The following PRDM16 variants were observed in gnomAD, a reference collection of about 807,000 sequenced individuals.
PRDM16 encodes the protein histone-lysine N-methyltransferase PRDM16.
In PRDM16, 23 loss-of-function variants were observed where a neutral mutation model predicts 110.6. The observed-to-expected ratio is 0.21, with a 90% CI of 0.15 to 0.29. PRDM16 has a LOEUF of 0.29. Among genes scored for constraint, PRDM16 ranks in the 10% least tolerant of loss-of-function variants. The pLI, the probability that PRDM16 is intolerant of heterozygous loss-of-function variation, is 1.00. For missense variants in PRDM16, 1,615 were observed against 1,794.3 expected (o/e 0.90, Z 1.81); for synonymous variants, 799 against 781.8 (o/e 1.02, Z -0.37).
intron 3 of PRDM16, among the ~76,000 whole-genome samples, chr1:3,333,771 T>C: frequency 6.6e-6 from 1 of 152,150 alleles, no homozygotes; most frequent in Non-Finnish European, 1.5e-5. Context: ...CTCCATCCCC[T>C]TGGTGATGAG....
In PRDM16 at chr1:3,136,831, T is replaced by C. The variant is rs145213414; in HGVS notation, c.38-49294T>C. 1.4e-3 allele frequency among the ~76,000 whole-genome samples: 217 copies of C among 152,326 alleles called. 5 individuals are homozygous for C. The East Asian group carries it at 0.022, about 16-fold the overall frequency. On this transcript the variant is annotated intron_variant, in intron 1 of 16. Transcript: ENST00000270722. ...TTCATCCTGTCCCATGCTGGGTGAC[T>C]GGGTCAGTTGGGGGTCCGGGATGCT...
chr1:3,389,531 TC>T (rs1643257981), intron 4 of PRDM16, among the ~76,000 whole-genome samples: 2 of 152,144 alleles, frequency 1.3e-5, no homozygotes, highest in Non-Finnish European at 2.9e-5. Context: ...ACCGGGCCCA[TC>T]CCAGCCCTCC....
intron 3 of PRDM16, among the ~76,000 whole-genome samples, chr1:3,281,213 C>T (rs1640705109): frequency 6.6e-6 from 1 of 152,236 alleles, no homozygotes; most frequent in Non-Finnish European, 1.5e-5. Context: ...TGCTGGCTCA[C>T]ACCCAGCCCC....
intron 3 of PRDM16, among the ~76,000 whole-genome samples, chr1:3,304,162 G>A (rs1396101991): frequency 3.0e-4 from 42 of 138,528 alleles, no homozygotes; most frequent in African/African-American, 8.3e-4. Flanking sequence ...GCAGGAGGCC[G>A]TGGGCTCTTT....
At chr1:3,185,868 G>A (rs1644261234) in intron 1 of PRDM16, among the ~76,000 whole-genome samples, 1 of 152,232 alleles carries the variant, frequency 6.6e-6, no homozygotes, top group South Asian at 2.1e-4. Flanking sequence ...GTGTCGGGCT[G>A]TGCCATCCCA....
chr1:3,248,223 C>T (rs1393123223), intron 3 of PRDM16, among the ~76,000 whole-genome samples: 1 of 152,142 alleles, frequency 6.6e-6, no homozygotes, highest in Non-Finnish European at 1.5e-5. Context: ...TGTAGTCCAC[C>T]CGGGAGATGC....
Position 3,412,331 on chromosome 1 carries a change from C to G in PRDM16, c.2134C>G (p.Gln712Glu), listed in dbSNP as rs2100664124. ...CTTTGGCCCCGGCTTCATGGGGATG[C>G]AGGAGAAGAAGCTGGGCTCGCTCCC... ...KYFGPGFMGM[Q>E]EKKLGSLPYH... is the part of the protein sequence containing the mutation. The change falls in exon 9 of 17, where the codon CAG becomes GAG. Residue 712 changes from glutamine to glutamate, a missense_variant. Transcript: ENST00000270722. 2 of 1,613,732 alleles carry G rather than the reference C, an allele frequency of 1.2e-6. No individual in the cohort carries two copies. The highest frequency in any genetic ancestry group is 2.2e-5 in the South Asian group (2 of 91,088).
chr1:3,169,732 G>T (rs1264192548), intron 1 of PRDM16, among the ~76,000 whole-genome samples: 2 of 152,204 alleles, frequency 1.3e-5, no homozygotes, highest in East Asian at 1.9e-4. Context: ...GCTCCTGTAC[G>T]CCATCAGGAT....
chr1:3,193,430 A>G (rs961891290), intron 2 of PRDM16, among the ~76,000 whole-genome samples: 2 of 152,218 alleles, frequency 1.3e-5, no homozygotes, highest in Admixed American at 1.3e-4. Flanking sequence ...GTTTGAACCC[A>G]GAAGTGTTTG....
chr1:3,191,919 A>G (rs1353136055), intron 2 of PRDM16, among the ~76,000 whole-genome samples: 1 of 152,196 alleles, frequency 6.6e-6, no homozygotes, highest in African/African-American at 2.4e-5. Flanking sequence ...CCCACATACC[A>G]GGAAGCACTG....
intron 2 of PRDM16, 115 bp downstream of exon 2, chr1:3,186,589 C>G (rs573142343): frequency 1.5e-6 from 1 of 646,054 alleles, no homozygotes; most frequent in South Asian, 2.2e-5. Flanking sequence ...CCAGAGAGAG[C>G]GTTCAAATGT....
intron 3 of PRDM16, among the ~76,000 whole-genome samples, chr1:3,354,936 G>A (rs1041391541): frequency 6.6e-6 from 1 of 152,204 alleles, no homozygotes; most frequent in Non-Finnish European, 1.5e-5. Flanking sequence ...TGCACCTGCT[G>A]AAGGGAGTGG....
At chr1:3,256,517 C>T (rs1200233041) in intron 3 of PRDM16, among the ~76,000 whole-genome samples, 10 of 152,312 alleles carry the variant, frequency 6.6e-5, no homozygotes, top group South Asian at 6.2e-4. Flanking sequence ...TCAAGGGGAA[C>T]AATGTACTGT....
chr1:3,286,473 T>C (rs1483225651), intron 3 of PRDM16, among the ~76,000 whole-genome samples: 1 of 152,068 alleles, frequency 6.6e-6, no homozygotes, highest in East Asian at 1.9e-4. Context: ...GACGGCAACA[T>C]GGCCACAATT....
chr1:3,343,669 T>C (rs1367740392), intron 3 of PRDM16, among the ~76,000 whole-genome samples: 2 of 152,138 alleles, frequency 1.3e-5, no homozygotes, highest in African/African-American at 4.8e-5. Flanking sequence ...AGTCTCGCTC[T>C]GTCACCCAGC....
chr1:3,196,184 G>T (rs1414384836), intron 2 of PRDM16, among the ~76,000 whole-genome samples: 1 of 152,240 alleles, frequency 6.6e-6, no homozygotes, highest in Non-Finnish European at 1.5e-5. Context: ...GCTGGGCCCA[G>T]ACCCGGTTCC....
intron 2 of PRDM16, among the ~76,000 whole-genome samples, chr1:3,217,840 C>T (rs528655138): frequency 7.9e-5 from 12 of 152,328 alleles, no homozygotes; most frequent in Admixed American, 2.0e-4. Context: ...TTCGGGATGC[C>T]GCCTGCATGC....
At chr1:3,380,599 G>A (rs1032573133) in intron 3 of PRDM16, among the ~76,000 whole-genome samples, 22 of 152,142 alleles carry the variant, frequency 1.4e-4, no homozygotes, top group Admixed American at 1.0e-3. Flanking sequence ...GGGACAGACC[G>A]GAGGCTCAAG....
rs1236373822 is a variant in PRDM16 at position 3,209,426 on chromosome 1, T to A, written c.387+22952T>A. Among the ~76,000 whole-genome samples, 1 of 152,128 alleles carries A rather than the reference T, an allele frequency of 6.6e-6. No homozygotes were observed. The highest frequency in any genetic ancestry group is 2.4e-5 in the African/African-American group (1 of 41,426). ...CTGCAGCCAGCCAGCTCTCCCTTCT[T>A]CCTGGGGAGGCCTGTGAAGGTCGCG... On this transcript the variant is annotated intron_variant, in intron 2 of 16. Transcript: ENST00000270722. This position sits in a 1 kb window ranked among gnomAD's most constrained non-coding sequence, Gnocchi z 4.6.
Sources: gnomAD v4.1 joint callset for allele counts (sites outside exome capture counted in the v4.1 genomes callset) on GRCh38, gnomAD v4.1.1 for gene constraint, Gnocchi (gnomAD v3.1) non-coding constraint, MANE v1.5 for transcripts, NCBI Gene and HGNC (gene_info 2026-07-23, HGNC 2026-07-21) for gene names.